Variants in ZYG11B observed in about 807,000 individuals in gnomAD.
ZYG11B encodes protein zyg-11 homolog B.
Under a neutral mutation model 82.4 loss-of-function variants are expected in ZYG11B, and 36 were observed. The observed-to-expected ratio is 0.44, with a 90% CI of 0.33 to 0.58. ZYG11B has a LOEUF of 0.58. ZYG11B is among the 20% of genes least tolerant of loss of function. The pLI is 0.02. For synonymous variants in ZYG11B, 303 were observed against 312.8 expected, an observed-to-expected ratio of 0.97 and a Z score of 0.33; for missense variants, 552 against 895.6, an observed-to-expected ratio of 0.62 and a Z score of 4.90.
At position 52,796,379 on chromosome 1, in the gene ZYG11B, C is replaced by T. The variant is rs1197462523; in HGVS notation, c.1422C>T (p.Ile474=). 1.9e-6 allele frequency: 3 copies of T among 1,613,284 alleles called. No individual in the cohort carries two copies. Among genetic ancestry groups the T allele is most frequent in the African/African-American group, 2.7e-5 (2 of 74,862 alleles). Residue 474 remains isoleucine (I), a synonymous_variant, in exon 7 of 14, where the codon ATC becomes ATT. Coordinates refer to ENST00000294353, the MANE Select transcript of ZYG11B (RefSeq NM_024646.3). ...MQRMAVAIIS[I]LAAKLSTEQT... ...GGATGGCAGTTGCTATCATTTCTAT[C>T]CTGGCTGCCAAGGTACCTGAACTCT...
chr1:52,763,856 G>A (rs1644657835), intron 2 of ZYG11B, among the ~76,000 whole-genome samples: 1 of 152,282 alleles, frequency 6.6e-6, no homozygotes, highest in African/African-American at 2.4e-5. Flanking sequence ...CAGCCTTCTG[G>A]TTCAGGATAA....
At chr1:52,748,733 G>A (rs1247548075) in intron 1 of ZYG11B, among the ~76,000 whole-genome samples, 1 of 151,770 alleles carries the variant, frequency 6.6e-6, no homozygotes, top group Non-Finnish European at 1.5e-5. Flanking sequence ...CGTGGTGCAC[G>A]CGCCTGTAAT....
At chr1:52,783,449 T>A (rs1272449132) in intron 4 of ZYG11B, among the ~76,000 whole-genome samples, 1 of 151,958 alleles carries the variant, frequency 6.6e-6, no homozygotes, top group Non-Finnish European at 1.5e-5. Flanking sequence ...AATAATTATC[T>A]AACATATACA....
At chr1:52,731,599 C>T (rs545457163) in intron 1 of ZYG11B, among the ~76,000 whole-genome samples, 2 of 151,934 alleles carry the variant, frequency 1.3e-5, no homozygotes, top group East Asian at 3.9e-4. Flanking sequence ...ATGTTCTAGG[C>T]ACTGTGATTA....
chr1:52,811,053 G>T (rs1250838992), intron 10 of ZYG11B, among the ~76,000 whole-genome samples: 5 of 143,418 alleles, frequency 3.5e-5, no homozygotes, highest in African/African-American at 1.3e-4. Context: ...AAAAAAAAAA[G>T]AGAAATTTAT....
In ZYG11B at chr1:52,826,214, A is replaced by G. The variant is rs1044647234; in HGVS notation, c.*4585A>G. Reference sequence around the variant, plus strand: ...TATTTTACTTATTTGGGGACTTTGTATTGCTAGGGCTTCAGAATACTAACT... The same window carrying G: ...TATTTTACTTATTTGGGGACTTTGTGTTGCTAGGGCTTCAGAATACTAACT... On this transcript the variant is annotated 3_prime_UTR_variant, in exon 14 of 14. Transcript: ENST00000294353. 1.6e-4 allele frequency: 25 copies of G among 152,164 alleles called. No homozygotes were observed. Among genetic ancestry groups the G allele is most frequent in the African/African-American group, 5.5e-4 (23 of 41,452 alleles). The allele number at this position is 152,164 out of a possible 1,614,324, so 9.4% of individuals were successfully genotyped here.
chr1:52,784,829 G>A (rs1038121027), intron 4 of ZYG11B, 48 bp from the exon 5 acceptor site: 6 of 1,569,462 alleles, frequency 3.8e-6, no homozygotes, highest in Non-Finnish European at 5.2e-6. Context: ...CTGTGAAGAG[G>A]GCTTGTATTT....
intron 3 of ZYG11B, among the ~76,000 whole-genome samples, chr1:52,775,226 T>G (rs553449282): frequency 5.6e-4 from 85 of 152,302 alleles, no homozygotes; most frequent in Admixed American, 1.2e-3. Flanking sequence ...AATTTGTGTC[T>G]TAACTTAGAG....
chr1:52,816,680 C>T (rs754458885), intron 13 of ZYG11B, 51 bp downstream of exon 13: 7 of 1,322,588 alleles, frequency 5.3e-6, no homozygotes, highest in South Asian at 1.3e-5. Context: ...GTGAAATTCT[C>T]ATTTCCCAGG....
chr1:52,790,189 G>T (rs1173201942), intron 6 of ZYG11B, 122 bp downstream of exon 6: 20 of 608,884 alleles, frequency 3.3e-5, no homozygotes, highest in Middle Eastern at 3.0e-4. Flanking sequence ...AGAATTGTGG[G>T]TTATTTTATA....
intron 2 of ZYG11B, among the ~76,000 whole-genome samples, chr1:52,766,870 T>C (rs993583883): frequency 6.6e-6 from 1 of 152,120 alleles, no homozygotes; most frequent in African/African-American, 2.4e-5. Flanking sequence ...TAGCTGGGCA[T>C]GGCAGCGTGT....
At chr1:52,733,968 A>G (rs967796305) in intron 1 of ZYG11B, among the ~76,000 whole-genome samples, 2 of 152,136 alleles carry the variant, frequency 1.3e-5, no homozygotes, top group African/African-American at 4.8e-5. Flanking sequence ...ATATTCAAAA[A>G]TATACAAATT....
intron 13 of ZYG11B, among the ~76,000 whole-genome samples, chr1:52,819,791 A>AT (rs200619392): frequency 0.019 from 2,804 of 149,180 alleles, 85 homozygotes; most frequent in African/African-American, 0.066. Flanking sequence ...GTCTGAAAAA[A>AT]AAATAATAAT....
chr1:52,816,351 A>G (rs1241027108), intron 12 of ZYG11B, among the ~76,000 whole-genome samples, 181 bp from the exon 13 acceptor site: 5 of 152,170 alleles, frequency 3.3e-5, no homozygotes, highest in African/African-American at 1.2e-4. Context: ...GTACTGAGTC[A>G]TGTCTGAATG....
rs556291483 is a variant in ZYG11B, at chr1:52,756,478, C to T, written c.51C>T (p.Ser17=). 13 of 1,613,948 alleles carry T rather than the reference C, an allele frequency of 8.1e-6. No homozygotes were observed. In the Admixed American group the frequency reaches 1.7e-4, roughly 21 times the overall value. Residue 17 remains serine (S), a synonymous_variant, in exon 2 of 14, where the codon TCC becomes TCT. Coordinates refer to ENST00000294353, the MANE Select transcript of ZYG11B (RefSeq NM_024646.3). Reference sequence around the variant, plus strand: ...CCAAGGAGGAGGCGTCTCCCTATTCCTTACTTGATATCTGCTTGAATTTCT... The same window carrying T: ...CCAAGGAGGAGGCGTCTCCCTATTCTTTACTTGATATCTGCTTGAATTTCT... The part of the protein sequence containing the change: ...GAAMEEASPY[S]LLDICLNFLT...
intron 6 of ZYG11B, among the ~76,000 whole-genome samples, chr1:52,795,682 C>T (rs1171730795): frequency 2.0e-5 from 3 of 152,114 alleles, no homozygotes; most frequent in East Asian, 1.9e-4. Flanking sequence ...CCGTAGCCAC[C>T]CTACATAAAA....
chr1:52,767,250 AT>A (rs1441542201), intron 2 of ZYG11B, among the ~76,000 whole-genome samples: 7 of 146,030 alleles, frequency 4.8e-5, no homozygotes, highest in Non-Finnish European at 9.2e-5. Context: ...TTATGTTGTT[AT>A]TTTATGTTAT....
intron 10 of ZYG11B, among the ~76,000 whole-genome samples, chr1:52,802,988 C>A (rs1645090259): frequency 6.7e-6 from 1 of 148,648 alleles, no homozygotes; most frequent in Non-Finnish European, 1.5e-5. Context: ...CCACTGCACT[C>A]CAGCCTGGGC....
intron 3 of ZYG11B, among the ~76,000 whole-genome samples, chr1:52,773,628 T>TATATATATATATATATG (rs59444202): frequency 7.6e-5 from 1 of 13,188 alleles, no homozygotes; most frequent in African/African-American, 3.6e-4. Flanking sequence ...TATATATATA[T>TATATATATATATATATG]TTTTTTTTTT....
Sources: gnomAD v4.1 joint callset for allele counts (sites outside exome capture counted in the v4.1 genomes callset) on GRCh38, gnomAD v4.1.1 for gene constraint, MANE v1.5 for transcripts, NCBI Gene and HGNC (gene_info 2026-07-23, HGNC 2026-07-21) for gene names.